ZNF701: variants seen among roughly 807,000 people sequenced by gnomAD.
The protein encoded by ZNF701 is zinc finger protein 701.
Under a neutral mutation model 7.1 loss-of-function variants are expected in ZNF701, and 6 were observed. The observed-to-expected ratio is 0.84, with a 90% confidence interval of 0.46 to 1.66. ZNF701 has a LOEUF of 1.66. ZNF701 is among the 40% of genes most tolerant of loss of function. The pLI is 0.01. For missense variants in ZNF701, 541 were observed against 559.2 expected (o/e 0.97, Z 0.33); for synonymous variants, 166 against 188.2 (o/e 0.88, Z 0.97).
chr19:52,581,499 C>T (rs111358765), intron 3 of ZNF701, among the ~76,000 whole-genome samples: 23,198 of 152,038 alleles, frequency 0.15, 1,943 homozygotes, highest in Middle Eastern at 0.21. Flanking sequence ...GGATTACAGG[C>T]GTGAACCACC....
chr19:52,573,158 C>G (rs2059911441), intron 1 of ZNF701: 1 of 163,670 alleles, frequency 6.1e-6, no homozygotes, highest in Non-Finnish European at 1.3e-5. Context: ...ACCTTTGTCT[C>G]CTGAGTTCAA....
Position 52,583,514 on chromosome 19 carries a change from CTT to C in ZNF701, c.*59_*60del, listed in dbSNP as rs963368443. On this transcript the variant is annotated 3_prime_UTR_variant, in exon 4 of 4. Transcript: ENST00000391785. ...GTCAAACCTTGCATGTCATCATAGA[CTT>C]TATACTGGAGAGAAACCTTACAAAT... The C allele has an allele frequency of 5.0e-6, 8 of 1,602,570 alleles. No homozygotes were observed. The Admixed American group carries it at 5.0e-5, about 10-fold the overall frequency.
At position 52,583,297 on chromosome 19, in the gene ZNF701, A is replaced by G. The variant is rs2059989208; in HGVS notation, c.1238A>G (p.Asn413Ser). The change falls in exon 4 of 4, where the codon AAT becomes AGT. Residue 413 changes from asparagine to serine, a missense_variant. Physicochemically the swap from Asn to Ser is conservative, Grantham distance 46. Coordinates refer to ENST00000391785, the MANE Select transcript of ZNF701 (RefSeq NM_018260.3). ...IHTGEKRYKCNECGKVFNHKS... is the reference protein window; with the variant it reads ...IHTGEKRYKCSECGKVFNHKS... ...ACTGGAGAGAAACGTTACAAGTGTA[A>G]TGAATGTGGCAAGGTTTTTAATCAC... 1 of 1,613,864 alleles carries G rather than the reference A, an allele frequency of 6.2e-7. No homozygotes were observed. The highest frequency in any genetic ancestry group is 8.5e-7 in the Non-Finnish European group (1 of 1,179,824).
At chr19:52,571,940 C>A (rs2059903265) in intron 1 of ZNF701, among the ~76,000 whole-genome samples, 1 of 152,140 alleles carries the variant, frequency 6.6e-6, no homozygotes. Flanking sequence ...TCTCCTGCCT[C>A]AGCCTCCCTA....
chr19:52,584,146 G>C lies in ZNF701; in HGVS notation c.*689G>C, dbSNP rs1410119359. The C allele has an allele frequency of 3.1e-6, 1 of 323,828 alleles. No individual in the cohort carries two copies. Among genetic ancestry groups the C allele is most frequent in the Non-Finnish European group, 6.2e-6 (1 of 160,292 alleles). The allele number at this position is 323,828 out of a possible 1,614,324, so 20.1% of individuals were successfully genotyped here. A position where few individuals can be genotyped will look rare whatever the true frequency, so the allele number is the denominator to read the frequency against. On this transcript the variant is annotated 3_prime_UTR_variant, in exon 4 of 4. Transcript: ENST00000391785. ...TTACAAACGTCCTATGTGTGGCAAG[G>C]TCTTCAGTCCGAGGTTACTCCTTGC...
chr19:52,576,339 A>G (rs1168524262), intron 3 of ZNF701, among the ~76,000 whole-genome samples: 1 of 152,010 alleles, frequency 6.6e-6, no homozygotes, highest in East Asian at 1.9e-4. Context: ...TCAGGAGTTC[A>G]AGACCAGCCT....
At chr19:52,590,657 A>C (rs1039379819), downstream of ZNF701, among the ~76,000 whole-genome samples, 1 of 152,038 alleles carries the variant, frequency 6.6e-6, no homozygotes, top group Non-Finnish European at 1.5e-5. Context: ...CAGTGGTACA[A>C]TCTTGGGTCA....
rs1325386474 is a variant in ZNF701 at position 52,584,869 on chromosome 19, C to A, written c.*1412C>A. On this transcript the variant is annotated 3_prime_UTR_variant, in exon 4 of 4. Coordinates refer to ENST00000391785, the MANE Select transcript of ZNF701 (RefSeq NM_018260.3). ...CTCCCGTCTGGCCTGACCCAGGCCC[C>A]GCCCACCTCCTCGGGGGTCTCCCCG... is the stretch of plus-strand genomic sequence containing the variant. 6.6e-6 allele frequency: 1 copy of A among 152,292 alleles called. No homozygotes were observed. The highest frequency in any genetic ancestry group is 1.5e-5 in the Non-Finnish European group (1 of 68,100). The allele number at this position is 152,292 out of a possible 1,614,324, so 9.4% of individuals were successfully genotyped here. A position where few individuals can be genotyped will look rare whatever the true frequency, so the allele number is the denominator to read the frequency against.
chr19:52,576,304 G>A (rs1443519479), intron 3 of ZNF701, among the ~76,000 whole-genome samples: 1 of 152,132 alleles, frequency 6.6e-6, no homozygotes, highest in African/African-American at 2.4e-5. Context: ...ACTTTGGGAG[G>A]CTGAGGCGTG....
In ZNF701 at chr19:52,582,845, A is replaced by G. The variant is rs749689929; in HGVS notation, c.786A>G (p.Arg262=). The G allele has an allele frequency of 3.7e-6, 6 of 1,614,202 alleles. No homozygotes were observed. The highest frequency in any genetic ancestry group is 1.1e-5 in the South Asian group (1 of 91,086). The change falls in exon 4 of 4, where the codon AGA becomes AGG. Residue 262 remains arginine, a synonymous_variant. Transcript: ENST00000391785. ...FHQKRYLACH[R]CHTGENPYTC... Reference sequence around the variant, plus strand: ...AGAAGCGATACCTTGCATGCCATAGATGTCACACTGGTGAGAATCCTTACA... The same window carrying G: ...AGAAGCGATACCTTGCATGCCATAGGTGTCACACTGGTGAGAATCCTTACA...
At chr19:52,590,389 C>T (rs1828608669), downstream of ZNF701, among the ~76,000 whole-genome samples, 1 of 152,104 alleles carries the variant, frequency 6.6e-6, no homozygotes. Context: ...CCTTGCCAGT[C>T]CCCTCTTCAC....
At chr19:52,590,957 G>A (rs182973098), downstream of ZNF701, among the ~76,000 whole-genome samples, 235 of 151,716 alleles carry the variant, frequency 1.5e-3, no homozygotes, top group African/African-American at 5.2e-3. Flanking sequence ...CTCCTGCCTC[G>A]CCCTGCTGAG....
intron 1 of ZNF701, chr19:52,572,345 G>A (rs757241958): frequency 1.6e-5 from 21 of 1,287,174 alleles, no homozygotes; most frequent in East Asian, 1.1e-4. Flanking sequence ...GTGAGCCACC[G>A]CACTCAGCCT....
chr19:52,574,807 G>T (rs990516025), intron 2 of ZNF701, among the ~76,000 whole-genome samples: 1 of 152,142 alleles, frequency 6.6e-6, no homozygotes, highest in East Asian at 1.9e-4. Context: ...GGAGACAGTG[G>T]TGTTACTGTG....
intron 1 of ZNF701, 29 bp downstream of exon 1, chr19:52,570,359 C>A: frequency 1.3e-5 from 2 of 152,984 alleles, no homozygotes; most frequent in South Asian, 1.9e-4. Flanking sequence ...TGTATTAAGT[C>A]TGCACTCCCC....
intron 3 of ZNF701, among the ~76,000 whole-genome samples, chr19:52,578,821 G>C (rs1032522538): frequency 1.3e-5 from 2 of 152,110 alleles, no homozygotes; most frequent in Admixed American, 1.3e-4. Flanking sequence ...GCAGTGGTGC[G>C]ATCTCGGCTC....
downstream of ZNF701, chr19:52,588,657 C>G (rs1476992595): frequency 6.1e-6 from 2 of 327,798 alleles, no homozygotes; most frequent in Admixed American, 3.6e-5. Flanking sequence ...TCCTTGTTTT[C>G]TTAAATACCA....
chr19:52,597,657 C>T, the ZNF701 span: 2 of 333,420 alleles, frequency 6.0e-6, no homozygotes, highest in South Asian at 2.5e-5. Flanking sequence ...TGTAGGTGGC[C>T]GTTGGGGTGG....
At chr19:52,588,758 A>C (rs114824367), downstream of ZNF701, 1,194 of 174,220 alleles carry the variant, frequency 6.9e-3, 12 homozygotes, top group African/African-American at 0.027. Flanking sequence ...AGTCCCTCTC[A>C]TCTTAAATTC....
Sources: gnomAD v4.1 joint callset for allele counts (sites outside exome capture counted in the v4.1 genomes callset) on GRCh38, gnomAD v4.1.1 for gene constraint, MANE v1.5 for transcripts, NCBI Gene and HGNC (gene_info 2026-07-23, HGNC 2026-07-21) for gene names.